PAH: variants seen among roughly 807,000 people sequenced by gnomAD.
PAH encodes phenylalanine hydroxylase.
PAH carries 64 observed loss-of-function variants against 62.0 expected under a neutral mutation model. The observed-to-expected ratio is 1.03, with a 90% CI of 0.84 to 1.27. The LOEUF (loss-of-function observed/expected upper bound fraction) is 1.27, where lower values mean the gene tolerates loss of function less well. PAH is among the 50% of genes most tolerant of loss of function. The pLI, the probability that PAH is intolerant of heterozygous loss-of-function variation, is 0.00. For missense variants in PAH, 579 were observed against 542.8 expected, an observed-to-expected ratio of 1.07 and a Z score of -0.66; for synonymous variants, 195 against 196.2, an observed-to-expected ratio of 0.99 and a Z score of 0.05.
intron 3 of PAH, among the ~76,000 whole-genome samples, chr12:102,879,606 G>GGA (rs771189508): frequency 6.3e-4 from 30 of 47,572 alleles, no homozygotes; most frequent in Non-Finnish European, 1.2e-3. Flanking sequence ...TTTTACCTGT[G>GGA]GGGGGGGGGT....
intron 5 of PAH, among the ~76,000 whole-genome samples, chr12:102,861,581 C>A (rs1455008574): frequency 6.6e-6 from 1 of 152,150 alleles, no homozygotes; most frequent in Non-Finnish European, 1.5e-5. Context: ...GGAACCAACC[C>A]AAATGTCCAT....
rs112145677 is a variant in PAH at position 102,880,183 on chromosome 12, G to A, written c.353-2633C>T. On this transcript the variant is annotated intron_variant, in intron 3 of 12. Transcript: ENST00000553106. ...CATTTGGTGAGGAACGTGGCTTCCCGCCTTGTCACCTACACTCCTCCCCAA... is the reference window on the plus strand; with the variant it reads ...CATTTGGTGAGGAACGTGGCTTCCCACCTTGTCACCTACACTCCTCCCCAA... Among the ~76,000 whole-genome samples the A allele has an allele frequency of 2.4e-4, 36 of 152,082 alleles. 1 individual carries two copies. In the South Asian group the frequency reaches 6.5e-3, roughly 27 times the overall value.
At chr12:102,854,976 A>G (rs2136648888) in intron 6 of PAH, 160 bp downstream of exon 6, 2 of 708,592 alleles carry the variant, frequency 2.8e-6, no homozygotes, top group Non-Finnish European at 5.2e-6. Context: ...AAGGCAGAGC[A>G]CAGTGAAATT....
At chr12:102,941,642 C>A (rs1292456792) in intron 1 of PAH, among the ~76,000 whole-genome samples, 1 of 152,108 alleles carries the variant, frequency 6.6e-6, no homozygotes, top group African/African-American at 2.4e-5. Context: ...CACACTGGAA[C>A]ACCCAGATTC....
intron 5 of PAH, 121 bp downstream of exon 5, chr12:102,866,475 A>G: frequency 1.3e-6 from 1 of 795,500 alleles, no homozygotes; most frequent in Non-Finnish European, 2.3e-6. Flanking sequence ...GAACACATGC[A>G]CACACAGAAG....
chr12:102,934,898 C>G (rs1879042896), intron 1 of PAH, among the ~76,000 whole-genome samples: 1 of 152,002 alleles, frequency 6.6e-6, no homozygotes, highest in Non-Finnish European at 1.5e-5. Flanking sequence ...AAATTGGATG[C>G]CTTTTATTTC....
In PAH at chr12:102,840,499, T is replaced by C. The variant is rs749613899; in HGVS notation, c.1216A>G (p.Ile406Val). 2 of 1,613,556 alleles carry C rather than the reference T, an allele frequency of 1.2e-6. No homozygotes were observed. The highest frequency in any genetic ancestry group is 2.2e-5 in the East Asian group (1 of 44,892). The change falls in exon 12 of 13, where the codon ATA becomes GTA. Residue 406 changes from isoleucine to valine, a missense_variant. Physicochemically the swap from Ile to Val is conservative, Grantham distance 29. Coordinates refer to ENST00000553106, the MANE Select transcript of PAH (RefSeq NM_000277.3). ...KEKVRNFAATIPRPFSVRYDP... is the reference protein window; with the variant it reads ...KEKVRNFAATVPRPFSVRYDP... ...TAGCGAACTGAGAAGGGCCGAGGTA[T>C]TGTGGCAGCAAAGTTCCTAAGACCA...
At chr12:102,869,998 T>A (rs1282551675) in intron 4 of PAH, among the ~76,000 whole-genome samples, 1 of 152,066 alleles carries the variant, frequency 6.6e-6, no homozygotes, top group East Asian at 1.9e-4. Flanking sequence ...TAACCAAGTA[T>A]GTTTTGACAG....
At position 102,958,133 on chromosome 12, in the gene PAH, T is replaced by C. The variant is rs1879984347; in HGVS notation, c.-96+62A>G. ...TCAGGGCTCCCGCTTCATATTTCCTTTTCTTTCCCTCTCTGTTCCTGCACC... is the reference window on the plus strand; with the variant it reads ...TCAGGGCTCCCGCTTCATATTTCCTCTTCTTTCCCTCTCTGTTCCTGCACC... On this transcript the variant is annotated intron_variant, in intron 1 of 4. Coordinates refer to the PAH transcript ENST00000551337. 7 of 766,148 alleles carry C rather than the reference T, an allele frequency of 9.1e-6. No individual in the cohort carries two copies. The Middle Eastern group carries it at 2.9e-3, about 316-fold the overall frequency. The allele number at this position is 766,148 out of a possible 1,614,324, so 47.5% of individuals were successfully genotyped here.
chr12:102,880,023 G>C (rs1378230898), intron 3 of PAH, among the ~76,000 whole-genome samples: 1 of 152,156 alleles, frequency 6.6e-6, no homozygotes. Flanking sequence ...ACAGTCCTTT[G>C]AGGTAGGTAT....
At chr12:102,915,277 T>C (rs1878340728) in intron 1 of PAH, 1 of 152,180 alleles carries the variant, frequency 6.6e-6, no homozygotes, top group South Asian at 2.1e-4. Context: ...GATGCCCACA[T>C]GGTATTTCAT....
chr12:102,861,500 T>C (rs1156812688), intron 5 of PAH, among the ~76,000 whole-genome samples: 3 of 152,230 alleles, frequency 2.0e-5, no homozygotes, highest in Non-Finnish European at 4.4e-5. Context: ...CAAAGGATTA[T>C]AAATCATGCT....
At chr12:102,851,263 C>A (rs1329630887) in intron 8 of PAH, among the ~76,000 whole-genome samples, 1 of 151,992 alleles carries the variant, frequency 6.6e-6, no homozygotes, top group Non-Finnish European at 1.5e-5. Context: ...GCATTGGATT[C>A]TTGGCAAATG....
At chr12:102,856,726 C>A (rs1217238898) in intron 5 of PAH, among the ~76,000 whole-genome samples, 1 of 152,242 alleles carries the variant, frequency 6.6e-6, no homozygotes, top group African/African-American at 2.4e-5. Context: ...CAAACAGGGT[C>A]TGGAGTGGAC....
At chr12:102,860,454 T>C (rs1223183633) in intron 5 of PAH, among the ~76,000 whole-genome samples, 2 of 152,128 alleles carry the variant, frequency 1.3e-5, no homozygotes, top group Non-Finnish European at 2.9e-5. Flanking sequence ...AAGCTACCAA[T>C]GACTTTCTTC....
At chr12:102,943,889 G>A (rs1202870458) in intron 1 of PAH, among the ~76,000 whole-genome samples, 2 of 152,136 alleles carry the variant, frequency 1.3e-5, no homozygotes, top group African/African-American at 4.8e-5. Flanking sequence ...AGGTTGGAGG[G>A]TGGGAGAAGG....
In PAH at chr12:102,938,979, T is replaced by C. The variant is rs1879198479; in HGVS notation, c.-96+11610A>G. Among the ~76,000 whole-genome samples the C allele has an allele frequency of 3.3e-5, 5 of 152,272 alleles. No individual in the cohort carries two copies. The South Asian group carries it at 6.2e-4, about 19-fold the overall frequency. On this transcript the variant is annotated intron_variant, in intron 1 of 3. Transcript: ENST00000546844. ...GCTCTCTGCCATTGCCACGGCAGCA[T>C]ATCAACTCTTTCTGCTCTTGGGTTG...
intron 3 of PAH, among the ~76,000 whole-genome samples, chr12:102,886,941 T>G (rs759901590): frequency 5.3e-4 from 81 of 152,138 alleles, no homozygotes; most frequent in African/African-American, 2.0e-3. Flanking sequence ...AGAGAGGAAG[T>G]TGGCAACGCT....
upstream of PAH, among the ~76,000 whole-genome samples, chr12:102,920,897 T>C (rs73391597): frequency 0.033 from 4,819 of 146,768 alleles, 266 homozygotes; most frequent in African/African-American, 0.12. Flanking sequence ...CAGTGTGTAT[T>C]TGCCACACTT....
Sources: allele counts gnomAD v4.1 joint callset (sites outside exome capture counted in the v4.1 genomes callset), GRCh38; gene constraint gnomAD v4.1.1; transcripts MANE v1.5; gene names NCBI Gene and HGNC (gene_info 2026-07-23, HGNC 2026-07-21).